Variants in RTEL1 observed in about 807,000 individuals in gnomAD.
RTEL1 encodes the protein regulator of telomere length.
Under a neutral mutation model 162.2 loss-of-function variants are expected in RTEL1, and 86 were observed. The observed-to-expected ratio is 0.53, with a 90% CI of 0.45 to 0.63. RTEL1 has a LOEUF of 0.63. Ranked by LOEUF, RTEL1 falls within the 30% of genes least tolerant of loss-of-function variation. The pLI is 0.00. For synonymous variants in RTEL1, 958 were observed against 717.9 expected, an observed-to-expected ratio of 1.33 and a Z score of -5.35; for missense variants, 1,941 against 1,750.2, an observed-to-expected ratio of 1.11 and a Z score of -1.95.
chr20:63,691,019 G>T, intron 27 of RTEL1, 72 bp downstream of exon 27: 2 of 1,440,628 alleles, frequency 1.4e-6, no homozygotes, highest in Non-Finnish European at 9.2e-7. Flanking sequence ...CGCCCATCTG[G>T]CCTCAGGCAC....
Position 63,661,787 on chromosome 20 carries a change from C to A in RTEL1, c.302-63C>A. ...GGCCGAGTTAGCCGAATGCCACCTGCCTTTGATACGTGAGAACGTTGTCTG... is the reference window on the plus strand; with the variant it reads ...GGCCGAGTTAGCCGAATGCCACCTGACTTTGATACGTGAGAACGTTGTCTG... On this transcript the variant is annotated intron_variant, in intron 3 of 34. Transcript: ENST00000360203. The surrounding 1 kb of genome is among the most constrained non-coding windows in gnomAD (Gnocchi z 5.1). 7.0e-7 allele frequency: 1 copy of A among 1,427,918 alleles called. No individual in the cohort carries two copies. The highest frequency in any genetic ancestry group is 9.9e-7 in the Non-Finnish European group (1 of 1,010,880). The allele number at this position is 1,427,918 out of a possible 1,614,324, so 88.5% of individuals were successfully genotyped here. A position where few individuals can be genotyped will look rare whatever the true frequency, so the allele number is the denominator to read the frequency against.
At position 63,668,836 on chromosome 20, in the gene RTEL1, C is replaced by T. The variant is rs118009186; in HGVS notation, c.699+1283C>T. On this transcript the variant is annotated intron_variant, in intron 8 of 34. Transcript: ENST00000360203. The surrounding 1 kb of genome is among the most constrained non-coding windows in gnomAD (Gnocchi z 4.3). ...AGAAGATCTAAAACAGCAAGATGAC[C>T]GTGAAGAAGAACAGAGCTGGAGGAC... Among the ~76,000 whole-genome samples, 768 of 152,272 alleles carry T rather than the reference C, an allele frequency of 5.0e-3. 9 individuals carry two copies. The highest frequency in any genetic ancestry group is 4.2e-3 in the Non-Finnish European group (285 of 68,020).
intron 2 of RTEL1, among the ~76,000 whole-genome samples, chr20:63,659,765 CACAGAG>C (rs973926772): frequency 6.6e-6 from 1 of 152,060 alleles, no homozygotes; most frequent in Non-Finnish European, 1.5e-5. Context: ...ATGAATAAGA[CACAGAG>C]ACAAAGTATA....
rs2297438 is a variant in RTEL1, at chr20:63,679,745, G to A, written c.1038-104G>A. 637,504 of 842,216 alleles carry A rather than the reference G, an allele frequency of 0.76. 247,296 individuals are homozygous for A. The highest frequency in any genetic ancestry group is 0.93 in the African/African-American group (56,192 of 60,450). The allele number at this position is 842,216 out of a possible 1,614,324, so 52.2% of individuals were successfully genotyped here. On this transcript the variant is annotated intron_variant, in intron 12 of 34. Transcript: ENST00000360203. ...TTCTCGGCAGCTACATCTTTGACCA[G>A]TGTCGTCCCCCCTCAGGCCCGAGCC...
intron 16 of RTEL1, chr20:63,686,235 C>G: frequency 3.0e-6 from 1 of 330,662 alleles, no homozygotes; most frequent in Admixed American, 4.5e-5. Context: ...AGCGCCTGGC[C>G]GGGCCAAGCC....
Position 63,679,842 on chromosome 20 carries a change from T to A in RTEL1, c.1038-7T>A. 2 of 1,608,324 alleles carry A rather than the reference T, an allele frequency of 1.2e-6. No individual in the cohort carries two copies. Among genetic ancestry groups the A allele is most frequent in the African/African-American group, 2.7e-5 (2 of 74,968 alleles). On this transcript the variant is annotated splice_region_variant and splice_polypyrimidine_tract_variant and intron_variant, in intron 12 of 34. Transcript: ENST00000360203. ...CAGGCTCGAGCCTGCCTTCTTCTCC[T>A]CGGCAGCTACATCTTTGAGCTGTTT...
At chr20:63,659,547 C>A in intron 2 of RTEL1, 43 bp downstream of exon 2, 1 of 1,446,078 alleles carries the variant, frequency 6.9e-7, no homozygotes, top group Non-Finnish European at 9.7e-7. Context: ...GTGGGTGGAG[C>A]TTCAGCCAGG....
chr20:63,677,636 T>C (rs1050600903), intron 10 of RTEL1, among the ~76,000 whole-genome samples: 4 of 152,150 alleles, frequency 2.6e-5, no homozygotes, highest in African/African-American at 9.7e-5. Flanking sequence ...TAAATAAAGA[T>C]AAAACACCTG....
chr20:63,660,000 G>C (rs2089986198), intron 2 of RTEL1, among the ~76,000 whole-genome samples: 1 of 152,132 alleles, frequency 6.6e-6, no homozygotes, highest in South Asian at 2.1e-4. Flanking sequence ...TACTATGCCT[G>C]GATGTGCACG....
Position 63,680,764 on chromosome 20 carries a change from G to A in RTEL1, c.1191+45G>A, listed in dbSNP as rs185737657. ...GGCATCTCCTTCCCTGATGGAAGCCGGGCGGGTGCCTTCTCCTGCTGTATT... is the reference window on the plus strand; with the variant it reads ...GGCATCTCCTTCCCTGATGGAAGCCAGGCGGGTGCCTTCTCCTGCTGTATT... On this transcript the variant is annotated intron_variant, in intron 14 of 34. Transcript: ENST00000360203. 1.7e-4 allele frequency: 266 copies of A among 1,610,168 alleles called. 5 individuals are homozygous for A. The East Asian group carries it at 4.6e-3, about 28-fold the overall frequency.
rs555745067 is a variant in RTEL1 at position 63,659,343 on chromosome 20, C to T, written c.-60C>T. The T allele has an allele frequency of 6.1e-6, 8 of 1,311,146 alleles. No individual in the cohort carries two copies. The highest frequency in any genetic ancestry group is 8.8e-6 in the Non-Finnish European group (8 of 906,450). The allele number at this position is 1,311,146 out of a possible 1,614,324, so 81.2% of individuals were successfully genotyped here. ...TAAGATGTTCGGAGTGGTTTTTTCG[C>T]ACAGACCCGAATAGCCTGCCCCTCA... On this transcript the variant is annotated 5_prime_UTR_variant, in exon 2 of 35. Coordinates refer to ENST00000360203, the MANE Select transcript of RTEL1 (RefSeq NM_001283009.2).
chr20:63,693,329 C>T, intron 30 of RTEL1, 46 bp downstream of exon 30: 1 of 1,605,408 alleles, frequency 6.2e-7, no homozygotes. Context: ...GCGTGGAAGG[C>T]AGTGTGGGCC....
rs2090969888 is a variant in RTEL1, at chr20:63,695,952, G to C, written c.*94G>C. 3 of 1,271,898 alleles carry C rather than the reference G, an allele frequency of 2.4e-6. No homozygotes were observed. The highest frequency in any genetic ancestry group is 2.3e-5 in the Admixed American group (1 of 44,294). The allele number at this position is 1,271,898 out of a possible 1,614,324, so 78.8% of individuals were successfully genotyped here. ...AGAACCCACCCAACAGAATAGGCCA[G>C]CCCATGCCAGCCGGCTTGGCCCGCT... On this transcript the variant is annotated 3_prime_UTR_variant, in exon 35 of 35. Coordinates refer to ENST00000360203, the MANE Select transcript of RTEL1 (RefSeq NM_001283009.2).
At chr20:63,686,191 C>T (rs1389607018) in intron 16 of RTEL1, 7 of 447,814 alleles carry the variant, frequency 1.6e-5, no homozygotes, top group Admixed American at 3.7e-5. Flanking sequence ...AGAGCCTCCA[C>T]AGTGAGGCAC....
chr20:63,680,613 C>T (rs750520755), intron 13 of RTEL1, 51 bp from the exon 14 acceptor site: 31 of 1,594,268 alleles, frequency 1.9e-5, no homozygotes, highest in East Asian at 8.9e-5. Context: ...GGGCTGGGGT[C>T]GGGGCCTCCC....
intron 8 of RTEL1, 60 bp from the exon 9 acceptor site, chr20:63,672,496 C>G: frequency 7.4e-7 from 1 of 1,358,744 alleles, no homozygotes; most frequent in Non-Finnish European, 1.0e-6. Context: ...CATGTCTTGG[C>G]TTCCCTCTTT....
At chr20:63,693,474 T>TCCACCACCTCCA (rs1568720089) in intron 30 of RTEL1, among the ~76,000 whole-genome samples, 191 bp downstream of exon 30, 1 of 8,562 alleles carries the variant, frequency 1.2e-4, no homozygotes, top group African/African-American at 5.3e-4. Flanking sequence ...CACCTCCACC[T>TCCACCACCTCCA]CCACCTCCAC....
At position 63,679,278 on chromosome 20, in the gene RTEL1, T is replaced by C. The variant is rs77684897; in HGVS notation, c.1038-571T>C. 6.8e-3 allele frequency among the ~76,000 whole-genome samples: 1,039 copies of C among 152,286 alleles called. 10 individuals carry two copies. Among genetic ancestry groups the C allele is most frequent in the African/African-American group, 0.024 (992 of 41,570 alleles). Reference sequence around the variant, plus strand: ...GCCGACCTGGTCGGGGGAATCCCAGTTGCTTCCAGGTGGAGCCACTGTCCT... The same window carrying C: ...GCCGACCTGGTCGGGGGAATCCCAGCTGCTTCCAGGTGGAGCCACTGTCCT... On this transcript the variant is annotated intron_variant, in intron 12 of 34. Coordinates refer to ENST00000360203, the MANE Select transcript of RTEL1 (RefSeq NM_001283009.2).
intron 14 of RTEL1, chr20:63,680,987 G>T: frequency 1.0e-6 from 1 of 985,418 alleles, no homozygotes; most frequent in African/African-American, 1.7e-5. Context: ...GGGCCGGGGA[G>T]CCGCTCCTGC....
Sources: allele counts gnomAD v4.1 joint callset (sites outside exome capture counted in the v4.1 genomes callset), GRCh38; gene constraint gnomAD v4.1.1; non-coding constraint Gnocchi (gnomAD v3.1); transcripts MANE v1.5; gene names NCBI Gene and HGNC (gene_info 2026-07-23, HGNC 2026-07-21).